The following KIF6 variants were observed in gnomAD, a reference collection of about 807,000 sequenced individuals.
KIF6 encodes the protein kinesin-like protein KIF6.
A neutral mutation model predicts 112.7 loss-of-function variants in KIF6; 106 were observed. The observed-to-expected ratio is 0.94, with a 90% CI of 0.80 to 1.11. KIF6 has a LOEUF of 1.11. Among genes scored for constraint, KIF6 ranks in the 50% least tolerant of loss-of-function variants. The pLI, the probability that KIF6 is intolerant of heterozygous loss-of-function variation, is 0.00. For missense variants in KIF6, 929 were observed against 964.0 expected, an observed-to-expected ratio of 0.96 and a Z score of 0.48; for synonymous variants, 339 against 339.9, an observed-to-expected ratio of 1.00 and a Z score of 0.03.
At chr6:39,566,771 T>A (rs1384402531) in intron 10 of KIF6, among the ~76,000 whole-genome samples, 1 of 152,222 alleles carries the variant, frequency 6.6e-6, no homozygotes, top group Non-Finnish European at 1.5e-5. Context: ...GAACATTTGT[T>A]TTTAATTAGC....
At chr6:39,717,740 A>C (rs1789946387) in intron 2 of KIF6, among the ~76,000 whole-genome samples, 1 of 152,178 alleles carries the variant, frequency 6.6e-6, no homozygotes, top group Admixed American at 6.5e-5. Context: ...ATAAGTATTT[A>C]TTGGTTGAAT....
At position 39,443,471 on chromosome 6, in the gene KIF6, T is replaced by G. The variant is rs1374569063; in HGVS notation, c.1646-12310A>C. 2.6e-5 allele frequency among the ~76,000 whole-genome samples: 4 copies of G among 151,890 alleles called. No individual in the cohort carries two copies. In the East Asian group the frequency reaches 7.7e-4, roughly 29 times the overall value. Reference sequence around the variant, plus strand: ...TATTTTTATTTTATTTAAGACAGAGTCTTGCTCTATTGCCCAGGCTGGAGT... The same window carrying G: ...TATTTTTATTTTATTTAAGACAGAGGCTTGCTCTATTGCCCAGGCTGGAGT... On this transcript the variant is annotated intron_variant, in intron 13 of 22. Coordinates refer to ENST00000287152, the MANE Select transcript of KIF6 (RefSeq NM_145027.6).
At chr6:39,345,578 G>T in intron 21 of KIF6, 122 bp downstream of exon 21, 1 of 727,302 alleles carries the variant, frequency 1.4e-6, no homozygotes, top group South Asian at 1.9e-5. Context: ...GCAGAGGCCA[G>T]ACCTGGGTTC....
intron 13 of KIF6, among the ~76,000 whole-genome samples, chr6:39,501,683 C>T (rs143485190): frequency 1.3e-5 from 2 of 152,188 alleles, no homozygotes; most frequent in African/African-American, 2.4e-5. Context: ...CTTCATAATG[C>T]AATCACAAGT....
At chr6:39,526,757 G>C (rs1777758678) in intron 13 of KIF6, among the ~76,000 whole-genome samples, 1 of 151,852 alleles carries the variant, frequency 6.6e-6, no homozygotes, top group Non-Finnish European at 1.5e-5. Flanking sequence ...CTCTGCAAAA[G>C]TGCGATTGAC....
intron 3 of KIF6, among the ~76,000 whole-genome samples, chr6:39,655,786 A>G (rs1459886667): frequency 6.6e-6 from 1 of 152,186 alleles, no homozygotes; most frequent in Non-Finnish European, 1.5e-5. Context: ...GTTTATTGTC[A>G]ATAAACAAAC....
At chr6:39,429,715 T>C (rs1377196567) in intron 14 of KIF6, among the ~76,000 whole-genome samples, 1 of 152,164 alleles carries the variant, frequency 6.6e-6, no homozygotes, top group East Asian at 1.9e-4. Flanking sequence ...GAGACCATCG[T>C]GGCTAACACA....
intron 13 of KIF6, among the ~76,000 whole-genome samples, chr6:39,440,103 A>G (rs189430917): frequency 2.6e-5 from 4 of 152,094 alleles, no homozygotes; most frequent in Admixed American, 6.5e-5. Context: ...GGATGAGAAG[A>G]AGACCAGCAG....
chr6:39,501,833 T>C (rs553652271), intron 13 of KIF6, among the ~76,000 whole-genome samples: 1 of 152,290 alleles, frequency 6.6e-6, no homozygotes, highest in African/African-American at 2.4e-5. Flanking sequence ...TGGGATTATG[T>C]GAAGTGACTG....
intron 13 of KIF6, among the ~76,000 whole-genome samples, chr6:39,442,492 G>C (rs1009293446): frequency 6.6e-6 from 1 of 152,202 alleles, no homozygotes; most frequent in African/African-American, 2.4e-5. Context: ...ACAGACGCAG[G>C]CACTGAGTTT....
rs1484449273 is a variant in KIF6, at chr6:39,579,003, T to C, written c.1078-844A>G. ...CTATTTGTCTCCTGTTGATGAACAT[T>C]TAGGATTTTTACTTTTGCTATTACG... On this transcript the variant is annotated intron_variant, in intron 9 of 22. Coordinates refer to ENST00000287152, the MANE Select transcript of KIF6 (RefSeq NM_145027.6). Among the ~76,000 whole-genome samples the C allele has an allele frequency of 3.3e-5, 5 of 152,220 alleles. No individual in the cohort carries two copies. In the East Asian group the frequency reaches 9.6e-4, roughly 29 times the overall value.
At position 39,360,566 on chromosome 6, in the gene KIF6, G is replaced by A. The variant is rs773286926; in HGVS notation, c.1947-36C>T. ...ATCGGGGAAGAGTCAGGGCACTGCT[G>A]TCTTGAAAGCACGGCATGGATGCAG... On this transcript the variant is annotated intron_variant, in intron 17 of 22. Coordinates refer to ENST00000287152, the MANE Select transcript of KIF6 (RefSeq NM_145027.6). The A allele has an allele frequency of 2.5e-5, 40 of 1,613,294 alleles. No homozygotes were observed. In the South Asian group the frequency reaches 4.4e-4, roughly 18 times the overall value.
chr6:39,528,111 TCTCCCTATCCC>T (rs1777837121), intron 13 of KIF6, among the ~76,000 whole-genome samples: 1 of 152,176 alleles, frequency 6.6e-6, no homozygotes, highest in African/African-American at 2.4e-5. Context: ...TTGACCATCA[TCTCCCTATCCC>T]CTCCTCCCAG....
chr6:39,397,638 T>C (rs934047776), intron 15 of KIF6, among the ~76,000 whole-genome samples: 7 of 151,992 alleles, frequency 4.6e-5, no homozygotes, highest in African/African-American at 1.7e-4. Flanking sequence ...TTGGGGATAA[T>C]GCATAATAAG....
chr6:39,454,535 A>AC (rs1250957056), intron 13 of KIF6, among the ~76,000 whole-genome samples: 47 of 150,728 alleles, frequency 3.1e-4, no homozygotes, highest in East Asian at 2.5e-3. Context: ...GAGCATCAAA[A>AC]AAAAAAAAAA....
At chr6:39,676,054 G>C (rs1405349894) in intron 3 of KIF6, among the ~76,000 whole-genome samples, 1 of 54,008 alleles carries the variant, frequency 1.9e-5, no homozygotes, top group African/African-American at 5.5e-5. Context: ...TGGAGGAAAG[G>C]AAATATGGAA....
At chr6:39,379,240 G>A (rs1766715017) in intron 16 of KIF6, among the ~76,000 whole-genome samples, 1 of 152,222 alleles carries the variant, frequency 6.6e-6, no homozygotes, top group African/African-American at 2.4e-5. Flanking sequence ...TTTATTGCCT[G>A]TGTGTTGTAA....
chr6:39,702,025 G>A (rs1463133478), intron 3 of KIF6, among the ~76,000 whole-genome samples: 4 of 152,184 alleles, frequency 2.6e-5, no homozygotes, highest in African/African-American at 9.7e-5. Flanking sequence ...AAACCAACAA[G>A]AAGGAAGGTA....
chr6:39,389,083 CCTT>C (rs1257467514), intron 15 of KIF6, among the ~76,000 whole-genome samples: 1 of 152,130 alleles, frequency 6.6e-6, no homozygotes, highest in Non-Finnish European at 1.5e-5. Flanking sequence ...AGACGGGTGA[CCTT>C]AAATATGACC....
Sources: gnomAD v4.1 joint callset for allele counts (sites outside exome capture counted in the v4.1 genomes callset) on GRCh38, gnomAD v4.1.1 for gene constraint, MANE v1.5 for transcripts, NCBI Gene and HGNC (gene_info 2026-07-23, HGNC 2026-07-21) for gene names.